The following PWWP2B variants were observed in gnomAD, a reference collection of about 807,000 sequenced individuals.
The protein encoded by PWWP2B is PWWP domain containing 2B.
PWWP2B carries 9 observed loss-of-function variants against 15.5 expected under a neutral mutation model. The ratio of observed to expected loss-of-function variants is 0.58; its 90% confidence interval spans 0.35 to 1.02. PWWP2B has a LOEUF of 1.02. PWWP2B is among the 50% of genes least tolerant of loss of function. The probability of loss-of-function intolerance (pLI) is 0.02; values close to 1 mark genes in which losing one functional copy is unlikely to be tolerated. For synonymous variants in PWWP2B, 474 were observed against 403.6 expected (o/e 1.17, Z -2.09); for missense variants, 864 against 865.3 (o/e 1.00, Z 0.02).
At chr10:132,412,365 C>T (rs927836842) in intron 2 of PWWP2B, among the ~76,000 whole-genome samples, 4 of 152,240 alleles carry the variant, frequency 2.6e-5, no homozygotes, top group East Asian at 1.9e-4. Context: ...CTGACCCCAC[C>T]GGGCTTCAAT....
intron 1 of PWWP2B, among the ~76,000 whole-genome samples, chr10:132,399,916 C>T (rs1195180097): frequency 1.3e-5 from 2 of 152,204 alleles, no homozygotes; most frequent in Middle Eastern, 3.2e-3. Context: ...TGGTATTTAT[C>T]GGCCTCCCCC....
chr10:132,414,619 C>T (rs1046378908), intron 2 of PWWP2B, among the ~76,000 whole-genome samples: 2 of 152,354 alleles, frequency 1.3e-5, no homozygotes, highest in South Asian at 2.1e-4. Flanking sequence ...CGGCCTCTAC[C>T]TCGCTGTCAG....
chr10:132,397,807 G>T (rs1162992705), intron 1 of PWWP2B, among the ~76,000 whole-genome samples: 1 of 152,218 alleles, frequency 6.6e-6, no homozygotes, highest in East Asian at 1.9e-4. Flanking sequence ...TGACTCCGCG[G>T]CTGAGGTTTG....
intron 2 of PWWP2B, among the ~76,000 whole-genome samples, chr10:132,406,872 T>C (rs2069707509): frequency 6.6e-6 from 1 of 152,134 alleles, no homozygotes; most frequent in Non-Finnish European, 1.5e-5. Context: ...ATCTTCCTCC[T>C]GGGTCAGTGC....
rs1305373194 is a variant in PWWP2B, at chr10:132,397,341, T to C, written c.115T>C (p.Cys39Arg). The C allele has an allele frequency of 7.3e-7, 1 of 1,370,256 alleles. No homozygotes were observed. The highest frequency in any genetic ancestry group is 1.9e-5 in the South Asian group (1 of 51,452). 84.9% of individuals were successfully genotyped at this position (1,370,256 alleles called of 1,614,324 possible). ...GAGCTTCGCGGGGATCCTGCTGGAC[T>C]GCACGAAAAAGTGAGCGGGGGCGCG... ...ERSFAGILLD[C>R]TKKSGLFGLP... The change falls in exon 1 of 3, where the codon TGC becomes CGC. Residue 39 changes from cysteine (C) to arginine (R), a missense_variant. By Grantham distance (180) the Cys-to-Arg change is radical. This residue lies in a region of PWWP2B where 736 missense variants were observed against 687.7 expected (regional missense o/e 1.07). Transcript: ENST00000305233.
intron 1 of PWWP2B, among the ~76,000 whole-genome samples, chr10:132,401,921 G>GCTGTTCCCACCCTGTT (rs72294080): frequency 6.6e-6 from 1 of 152,222 alleles, no homozygotes; most frequent in South Asian, 2.1e-4. Context: ...TGCGGAGTGA[G>GCTGTTCCCACCCTGTT]CTGTTCCCAC....
intron 1 of PWWP2B, among the ~76,000 whole-genome samples, chr10:132,398,096 C>T (rs1209741890): frequency 6.6e-6 from 1 of 152,230 alleles, no homozygotes; most frequent in Non-Finnish European, 1.5e-5. Flanking sequence ...AATGATTAGG[C>T]ATGAATCAGG....
intron 2 of PWWP2B, among the ~76,000 whole-genome samples, chr10:132,412,980 G>A (rs145876194): frequency 8.5e-4 from 129 of 152,374 alleles, no homozygotes; most frequent in African/African-American, 3.0e-3. Context: ...GTGTCCTGTG[G>A]TGACCACAGC....
At chr10:132,402,094 CAG>C (rs1195935271) in intron 1 of PWWP2B, among the ~76,000 whole-genome samples, 1 of 152,236 alleles carries the variant, frequency 6.6e-6, no homozygotes, top group Non-Finnish European at 1.5e-5. Flanking sequence ...AGGTGTGACT[CAG>C]GGTCCCAAAG....
chr10:132,398,875 G>GC (rs1382635868), intron 1 of PWWP2B, among the ~76,000 whole-genome samples: 2 of 152,210 alleles, frequency 1.3e-5, no homozygotes, highest in African/African-American at 4.8e-5. Context: ...CCTTGGGCTG[G>GC]CCCCCTTGTC....
chr10:132,417,061 G>T lies in PWWP2B; in HGVS notation c.*17G>T, dbSNP rs912068878. ...CTGCCCCTTTTTGCTTTCCCCCAAG[G>T]TCACCGACGATGAGGGCGCACCTGC... On this transcript the variant is annotated splice_region_variant and 3_prime_UTR_variant, in exon 3 of 3. Transcript: ENST00000305233. The T allele has an allele frequency of 1.9e-6, 3 of 1,613,502 alleles. No homozygotes were observed. The African/African-American group carries it at 4.0e-5, about 22-fold the overall frequency.
rs1367242959 is a variant in PWWP2B at position 132,413,939 on chromosome 10, A to AC, written c.*17-3118dup. On this transcript the variant is annotated intron_variant, in intron 2 of 2. Transcript: ENST00000305233. The stretch of plus-strand genomic sequence containing the variant: ...AGAGGTAGGTGAGCACGAGACTCCG[A>AC]CCCCGTGTCCCGGTGGGGGCTCTGA... Among the ~76,000 whole-genome samples the AC allele has an allele frequency of 2.0e-5, 3 of 150,826 alleles. No individual in the cohort carries two copies. In the East Asian group the frequency reaches 5.9e-4, roughly 29 times the overall value.
In PWWP2B at chr10:132,405,627, G is replaced by A. The variant is rs2069686269; in HGVS notation, c.1127G>A (p.Gly376Glu). The A allele has an allele frequency of 6.2e-7, 1 of 1,612,268 alleles. No individual in the cohort carries two copies. The highest frequency in any genetic ancestry group is 2.2e-5 in the East Asian group (1 of 44,866). Residue 376 changes from glycine (G) to glutamate (E), a missense_variant, in exon 2 of 3, where the codon GGG (glycine) becomes GAG (glutamate). By Grantham distance (98) the Gly-to-Glu change is moderately conservative. Transcript: ENST00000305233. ...CCCTGTGCGGACGGCCCTGCCGGTGGGCTGGCGGACTTGTCTTCTGGAAGT... is the reference window on the plus strand; with the variant it reads ...CCCTGTGCGGACGGCCCTGCCGGTGAGCTGGCGGACTTGTCTTCTGGAAGT... ...PAPCADGPAG[G>E]LADLSSGSSG...
intron 1 of PWWP2B, 24 bp from the exon 2 acceptor site, chr10:132,404,602 T>C (rs781647993): frequency 1.2e-6 from 2 of 1,601,432 alleles, no homozygotes; most frequent in Admixed American, 3.4e-5. Context: ...CTTCTCACTG[T>C]GGTTTCTCTC....
chr10:132,414,774 A>G (rs7920199), intron 2 of PWWP2B, among the ~76,000 whole-genome samples: 25,035 of 152,210 alleles, frequency 0.16, 2,234 homozygotes, highest in Admixed American at 0.25. Context: ...CTTCCCGCAC[A>G]GAATCTGCGG....
At position 132,405,676 on chromosome 10, in the gene PWWP2B, G is replaced by A. The variant is rs145866750; in HGVS notation, c.1176G>A (p.Lys392=). 4.0e-5 allele frequency: 65 copies of A among 1,612,414 alleles called. No individual in the cohort carries two copies. The African/African-American group carries it at 7.1e-4, about 18-fold the overall frequency. Residue 392 remains lysine, a synonymous_variant, in exon 2 of 3, where the codon AAG becomes AAA. Coordinates refer to ENST00000305233, the MANE Select transcript of PWWP2B (RefSeq NM_138499.4). ...GTTCGGGTGAGGACGATGACTTCAA[G>A]AGCTGTCCCCAGGGTCCACAGGGAC... ...SGSSGEDDDF[K]SCPQGPQGRE...
At chr10:132,408,022 AG>A (rs2069723832) in intron 2 of PWWP2B, among the ~76,000 whole-genome samples, 2 of 152,150 alleles carry the variant, frequency 1.3e-5, no homozygotes, top group African/African-American at 2.4e-5. Flanking sequence ...GGGAGGACAC[AG>A]TCTTGCAGGC....
In PWWP2B at chr10:132,405,853, C is replaced by G; in HGVS notation, c.1353C>G (p.Gly451=). The change falls in exon 2 of 3, where the codon GGC becomes GGG. Residue 451 remains glycine (G), a synonymous_variant. Coordinates refer to ENST00000305233, the MANE Select transcript of PWWP2B (RefSeq NM_138499.4). ...CGGGTGACCTCTCGCCTGGCCACGGCGCGTCAGCGCCCTCGGTGTCCAGAG... is the reference window on the plus strand; with the variant it reads ...CGGGTGACCTCTCGCCTGGCCACGGGGCGTCAGCGCCCTCGGTGTCCAGAG... The part of the protein sequence containing the change: ...ADTGDLSPGH[G]ASAPSVSREA... 3 of 1,610,882 alleles carry G rather than the reference C, an allele frequency of 1.9e-6. No homozygotes were observed. In the South Asian group the frequency reaches 3.3e-5, roughly 18 times the overall value.
intron 2 of PWWP2B, among the ~76,000 whole-genome samples, chr10:132,408,746 G>A (rs1253372468): frequency 6.6e-6 from 1 of 152,248 alleles, no homozygotes; most frequent in Non-Finnish European, 1.5e-5. Flanking sequence ...CCGTTGCAGG[G>A]ACACTGAGCC....
Sources: allele counts gnomAD v4.1 joint callset (sites outside exome capture counted in the v4.1 genomes callset), GRCh38; gene constraint gnomAD v4.1.1; regional missense constraint gnomAD v4.1.1; transcripts MANE v1.5; gene names NCBI Gene and HGNC (gene_info 2026-07-23, HGNC 2026-07-21).